CMPK2: variants seen among roughly 807,000 people sequenced by gnomAD.
The protein encoded by CMPK2 is cytidine/uridine monophosphate kinase 2, also known as UMP-CMP kinase 2, mitochondrial.
Under a neutral mutation model 33.4 loss-of-function variants are expected in CMPK2, and 32 were observed. That is an observed-to-expected ratio of 0.96 (90% CI 0.72 to 1.29). The LOEUF (loss-of-function observed/expected upper bound fraction) is 1.29, where lower values mean the gene tolerates loss of function less well. CMPK2 is among the 50% of genes most tolerant of loss of function. CMPK2 has a pLI of 0.00. For missense variants in CMPK2, 672 were observed against 616.0 expected (o/e 1.09, Z -0.96); for synonymous variants, 299 against 275.3 (o/e 1.09, Z -0.85).
rs1178431768 is a variant in CMPK2 at position 6,865,476 on chromosome 2, G to T, written c.221C>A (p.Ser74Ter). The T allele has an allele frequency of 2.4e-6, 3 of 1,269,542 alleles. No individual in the cohort carries two copies. The highest frequency in any genetic ancestry group is 3.0e-6 in the Non-Finnish European group (3 of 1,012,842). The allele number at this position is 1,269,542 out of a possible 1,614,324, so 78.6% of individuals were successfully genotyped here. A position where few individuals can be genotyped will look rare whatever the true frequency, so the allele number is the denominator to read the frequency against. ...ALLGPPERSYSLCVPVTPDAG... is the reference protein window; with the variant it reads ...ALLGPPERSY ...GTCCGGGGTCACGGGCACGCACAGCGAGTAGCTGCGCTCCGGGGGCCCCAG... is the reference window on the plus strand; with the variant it reads ...GTCCGGGGTCACGGGCACGCACAGCTAGTAGCTGCGCTCCGGGGGCCCCAG... The change falls in exon 1 of 5, where the codon TCG becomes TAG. Residue 74 changes from serine (S) to a stop codon, truncating the protein, a stop_gained. Transcript: ENST00000256722. LOFTEE classifies it high-confidence loss of function.
chr2:6,851,703 T>A lies in CMPK2; in HGVS notation c.993-20A>T. 3 of 1,608,224 alleles carry A rather than the reference T, an allele frequency of 1.9e-6. No homozygotes were observed. The highest frequency in any genetic ancestry group is 2.6e-6 in the Non-Finnish European group (3 of 1,175,314). On this transcript the variant is annotated intron_variant, in intron 3 of 4. Coordinates refer to ENST00000256722, the MANE Select transcript of CMPK2 (RefSeq NM_207315.4). ...CAGTACCTGAGAAGGAATGGGGTAG[T>A]GAGTTCTCTGTCTGCAGAAGAAGTC...
chr2:6,853,772 G>A (rs539031400), intron 3 of CMPK2, among the ~76,000 whole-genome samples: 8 of 152,100 alleles, frequency 5.3e-5, no homozygotes, highest in African/African-American at 1.9e-4. Flanking sequence ...CGTGGTGGCG[G>A]GCACCTGTAG....
chr2:6,844,804 T>C (rs555959344), downstream of CMPK2, among the ~76,000 whole-genome samples: 1 of 152,320 alleles, frequency 6.6e-6, no homozygotes. Context: ...GCATAGCATC[T>C]CTCCATGTAA....
At chr2:6,860,929 C>G (rs995586589) in intron 3 of CMPK2, among the ~76,000 whole-genome samples, 15 of 152,166 alleles carry the variant, frequency 9.9e-5, no homozygotes, top group African/African-American at 3.4e-4. Context: ...GTAACATTCA[C>G]CTACCCAAGT....
Position 6,849,191 on chromosome 2 carries a change from A to G in CMPK2, c.*659T>C. ...TTTGCAGTTGGAGCATCTTGGCTTG[A>G]ATGTCTTTATATATGACTCAGAAGC... On this transcript the variant is annotated 3_prime_UTR_variant, in exon 5 of 5. Transcript: ENST00000256722. 1 of 985,440 alleles carries G rather than the reference A, an allele frequency of 1.0e-6. No homozygotes were observed. Among genetic ancestry groups the G allele is most frequent in the South Asian group, 4.7e-5 (1 of 21,286 alleles). 61.0% of individuals were successfully genotyped at this position (985,440 alleles called of 1,614,324 possible). A position where few individuals can be genotyped will look rare whatever the true frequency, so the allele number is the denominator to read the frequency against.
chr2:6,849,295 A>G lies in CMPK2; in HGVS notation c.*555T>C, dbSNP rs544001548. The G allele has an allele frequency of 5.8e-5, 57 of 985,562 alleles. No homozygotes were observed. The African/African-American group carries it at 9.1e-4, about 16-fold the overall frequency. The allele number at this position is 985,562 out of a possible 1,614,324, so 61.1% of individuals were successfully genotyped here. On this transcript the variant is annotated 3_prime_UTR_variant, in exon 5 of 5. Coordinates refer to ENST00000256722, the MANE Select transcript of CMPK2 (RefSeq NM_207315.4). ...GTTCCTTACCCAAAAATGGCTCTGC[A>G]GGAGTGTCCTTGGGCAGCCAGGACA...
chr2:6,849,625 G>C lies in CMPK2; in HGVS notation c.*225C>G. ...TTACTATGCCAGGAAGAAAGCAATC[G>C]CTGGCCTCTCACTGGAACATGATGA... On this transcript the variant is annotated 3_prime_UTR_variant, in exon 5 of 5. Coordinates refer to ENST00000256722, the MANE Select transcript of CMPK2 (RefSeq NM_207315.4). The C allele has an allele frequency of 7.5e-7, 1 of 1,332,156 alleles. No individual in the cohort carries two copies. Among genetic ancestry groups the C allele is most frequent in the Non-Finnish European group, 9.6e-7 (1 of 1,046,182 alleles). The allele number at this position is 1,332,156 out of a possible 1,614,324, so 82.5% of individuals were successfully genotyped here. A position where few individuals can be genotyped will look rare whatever the true frequency, so the allele number is the denominator to read the frequency against.
chr2:6,864,743 C>T (rs374499130), intron 1 of CMPK2, among the ~76,000 whole-genome samples: 5 of 152,296 alleles, frequency 3.3e-5, no homozygotes, highest in African/African-American at 1.2e-4. Context: ...TCCCGGCAGC[C>T]CCTTTACTCC....
intron 3 of CMPK2, among the ~76,000 whole-genome samples, chr2:6,852,342 C>A (rs888127330): frequency 2.0e-5 from 3 of 152,164 alleles, no homozygotes; most frequent in African/African-American, 7.2e-5. Flanking sequence ...ACACAAAAGT[C>A]AAATCAGTCT....
chr2:6,846,750 T>C (rs771837314), downstream of CMPK2, among the ~76,000 whole-genome samples: 10 of 152,216 alleles, frequency 6.6e-5, no homozygotes, highest in Non-Finnish European at 8.8e-5. Flanking sequence ...TCCCACATGA[T>C]GGCTAGGCCC....
At chr2:6,863,763 G>A (rs1224821354) in intron 1 of CMPK2, among the ~76,000 whole-genome samples, 185 bp from the exon 2 acceptor site, 1 of 152,172 alleles carries the variant, frequency 6.6e-6, no homozygotes, top group African/African-American at 2.4e-5. Context: ...ATTTTATATT[G>A]AGCAGCCGAG....
intron 3 of CMPK2, among the ~76,000 whole-genome samples, chr2:6,852,161 C>T (rs962243247): frequency 6.6e-6 from 1 of 152,200 alleles, no homozygotes; most frequent in Non-Finnish European, 1.5e-5. Context: ...GAGGTAGAAG[C>T]CTCTTTGTTT....
Position 6,849,682 on chromosome 2 carries a change from C to T in CMPK2, c.*168G>A. The T allele has an allele frequency of 1.4e-6, 2 of 1,469,456 alleles. No homozygotes were observed. Among genetic ancestry groups the T allele is most frequent in the Admixed American group, 2.6e-5 (1 of 39,034 alleles). The allele number at this position is 1,469,456 out of a possible 1,614,324, so 91.0% of individuals were successfully genotyped here. On this transcript the variant is annotated 3_prime_UTR_variant, in exon 5 of 5. Transcript: ENST00000256722. ...CCTTTGTGATGACGGGTCCATCAGT[C>T]AGAAGAGGGTACGATGGCTGAAGTA...
At chr2:6,865,956 C>T (rs1663075007), upstream of CMPK2, 6 of 1,225,566 alleles carry the variant, frequency 4.9e-6, no homozygotes, top group Middle Eastern at 2.3e-4. Flanking sequence ...CCCCGGGGCC[C>T]CAGGTGCGCG....
At chr2:6,862,635 G>A (rs913823925) in intron 2 of CMPK2, among the ~76,000 whole-genome samples, 4 of 152,330 alleles carry the variant, frequency 2.6e-5, no homozygotes, top group African/African-American at 7.2e-5. Flanking sequence ...GACACGGCCA[G>A]TACATTTGAG....
rs1663025908 is a variant in CMPK2 at position 6,865,202 on chromosome 2, C to T, written c.495G>A (p.Glu165=). The change falls in exon 1 of 5, where the codon GAG becomes GAA. Residue 165 remains glutamate, a synonymous_variant. Coordinates refer to ENST00000256722, the MANE Select transcript of CMPK2 (RefSeq NM_207315.4). ...GCCACAGCTGGCCGCGCGGGTCGGC[C>T]TCGAACTCGCCCAAGTGCGGGCGTG... ...EAPRPHLGEF[E]ADPRGQLWQR... is the part of the protein sequence containing the mutation. The T allele has an allele frequency of 1.3e-6, 2 of 1,534,342 alleles. No homozygotes were observed. The highest frequency in any genetic ancestry group is 8.7e-7 in the Non-Finnish European group (1 of 1,144,960).
At chr2:6,847,687 C>T (rs954403295), downstream of CMPK2, among the ~76,000 whole-genome samples, 3 of 152,156 alleles carry the variant, frequency 2.0e-5, no homozygotes, top group Admixed American at 2.0e-4. Flanking sequence ...TCTCTTGGTC[C>T]TTAGATGGCT....
intron 3 of CMPK2, among the ~76,000 whole-genome samples, chr2:6,857,367 T>C (rs1232255961): frequency 2.0e-5 from 3 of 151,284 alleles, no homozygotes; most frequent in Non-Finnish European, 4.4e-5. Flanking sequence ...CCCCTCTTGC[T>C]GTGTCATCCT....
Position 6,865,033 on chromosome 2 carries a change from C to T in CMPK2, c.664G>A (p.Val222Ile), listed in dbSNP as rs1016625943. The change falls in exon 1 of 5, where the codon GTT (valine) becomes ATT (isoleucine). Residue 222 changes from valine (V) to isoleucine (I), a missense_variant. Coordinates refer to ENST00000256722, the MANE Select transcript of CMPK2 (RefSeq NM_207315.4). ...VFPDREAARA[V>I]LEECTSFIPE... is the part of the protein sequence containing the mutation. Reference sequence around the variant, plus strand: ...GACAGAACTCTTACCTCCTCCAAAACGGCCCGGGCGGCTTCCCGGTCCGGG... The same window carrying T: ...GACAGAACTCTTACCTCCTCCAAAATGGCCCGGGCGGCTTCCCGGTCCGGG... 1.4e-6 allele frequency: 2 copies of T among 1,428,328 alleles called. No individual in the cohort carries two copies. The highest frequency in any genetic ancestry group is 3.0e-5 in the African/African-American group (2 of 66,630). The allele number at this position is 1,428,328 out of a possible 1,614,324, so 88.5% of individuals were successfully genotyped here.
Sources: allele counts gnomAD v4.1 joint callset (sites outside exome capture counted in the v4.1 genomes callset), GRCh38; gene constraint gnomAD v4.1.1; transcripts MANE v1.5; gene names NCBI Gene and HGNC (gene_info 2026-07-23, HGNC 2026-07-21).